Variants in PDK1 observed in about 807,000 individuals in gnomAD.
PDK1 encodes the protein [Pyruvate dehydrogenase (acetyl-transferring)] kinase isozyme 1, mitochondrial.
In PDK1, 39 loss-of-function variants were observed where a neutral mutation model predicts 54.2. That is an observed-to-expected ratio of 0.72 (90% CI 0.56 to 0.94). PDK1 has a LOEUF of 0.94. Ranked by LOEUF, PDK1 falls within the 40% of genes least tolerant of loss-of-function variation. PDK1 has a pLI of 0.00. For missense variants in PDK1, 552 were observed against 566.0 expected, an observed-to-expected ratio of 0.98 and a Z score of 0.25; for synonymous variants, 221 against 207.1, an observed-to-expected ratio of 1.07 and a Z score of -0.58.
At chr2:172,660,333 T>C in the PDK1 span, among the ~76,000 whole-genome samples, 1 of 134,814 alleles carries the variant, frequency 7.4e-6, no homozygotes, top group Non-Finnish European at 1.5e-5. Flanking sequence ...CTCGGCTCAC[T>C]GCAACCTCTG....
intron 9 of PDK1, among the ~76,000 whole-genome samples, chr2:172,588,696 A>AGCAGGCAG: frequency 6.6e-6 from 1 of 152,174 alleles, no homozygotes; most frequent in East Asian, 1.9e-4. Context: ...GCAGTAGGGT[A>AGCAGGCAG]GCTGGAGAAA....
chr2:172,584,161 A>C (rs1690077337), intron 8 of PDK1, among the ~76,000 whole-genome samples: 1 of 152,184 alleles, frequency 6.6e-6, no homozygotes, highest in African/African-American at 2.4e-5. Flanking sequence ...GGTAGATGGA[A>C]ATACAAAGTA....
At position 172,570,712 on chromosome 2, in the gene PDK1, C is replaced by A. The variant is rs202184215; in HGVS notation, c.847-14C>A. On this transcript the variant is annotated splice_polypyrimidine_tract_variant and intron_variant, in intron 7 of 10. Transcript: ENST00000282077. ...AAAAAGCTGTATTTTTAATACAACC[C>A]TAATGTATTTCAGAATGCAATGAGA... The A allele has an allele frequency of 1.2e-3, 1,684 of 1,461,284 alleles. 2 individuals are homozygous for A. The highest frequency in any genetic ancestry group is 1.7e-3 in the Admixed American group (101 of 58,974). 90.5% of individuals were successfully genotyped at this position (1,461,284 alleles called of 1,614,324 possible). A position where few individuals can be genotyped will look rare whatever the true frequency, so the allele number is the denominator to read the frequency against.
intron 8 of PDK1, among the ~76,000 whole-genome samples, chr2:172,571,128 A>G (rs943198978): frequency 6.6e-6 from 1 of 152,192 alleles, no homozygotes; most frequent in African/African-American, 2.4e-5. Flanking sequence ...TAGTTGCAGT[A>G]TTATGGAGAT....
intron 8 of PDK1, among the ~76,000 whole-genome samples, chr2:172,584,859 G>A (rs1389377188): frequency 1.9e-4 from 27 of 139,382 alleles, no homozygotes; most frequent in Non-Finnish European, 3.5e-4. Context: ...TTGTACAAAC[G>A]GAGTCTCACT....
At chr2:172,685,995 G>A in the PDK1 span, among the ~76,000 whole-genome samples, 1 of 152,126 alleles carries the variant, frequency 6.6e-6, no homozygotes, top group African/African-American at 2.4e-5. Context: ...AATTTACAGG[G>A]TTTCTACAAA....
intron 2 of PDK1, 54 bp from the exon 3 acceptor site, chr2:172,562,166 A>G: frequency 1.1e-6 from 1 of 936,948 alleles, no homozygotes; most frequent in Non-Finnish European, 1.7e-6. Context: ...TTTTCATGAT[A>G]TTGAACTTTC....
intron 8 of PDK1, among the ~76,000 whole-genome samples, chr2:172,580,151 C>A (rs1038262820): frequency 6.6e-6 from 1 of 151,288 alleles, no homozygotes; most frequent in Non-Finnish European, 1.5e-5. Flanking sequence ...GTTTCTCTCT[C>A]GTTTGTTCAT....
the PDK1 span, among the ~76,000 whole-genome samples, chr2:172,618,001 G>T: frequency 6.6e-6 from 1 of 152,030 alleles, no homozygotes; most frequent in South Asian, 2.1e-4. Context: ...ACTTTTAGGG[G>T]TTATATAGTT....
intron 8 of PDK1, among the ~76,000 whole-genome samples, chr2:172,571,549 TG>T (rs2149234880): frequency 6.6e-6 from 1 of 152,148 alleles, no homozygotes; most frequent in South Asian, 2.1e-4. Context: ...AATTTTTTGG[TG>T]GGTAGAGACT....
At chr2:172,692,191 CTG>C in the PDK1 span, among the ~76,000 whole-genome samples, 13 of 152,224 alleles carry the variant, frequency 8.5e-5, no homozygotes, top group African/African-American at 2.9e-4. Context: ...TGGAAATATT[CTG>C]TGTCTTAACC....
the PDK1 span, among the ~76,000 whole-genome samples, chr2:172,673,177 G>A: frequency 3.9e-5 from 6 of 152,248 alleles, no homozygotes; most frequent in East Asian, 3.9e-4. Flanking sequence ...CATACTTCCC[G>A]GGTCTTGCAT....
chr2:172,672,591 G>A, the PDK1 span, among the ~76,000 whole-genome samples: 1 of 151,606 alleles, frequency 6.6e-6, no homozygotes, highest in Admixed American at 6.6e-5. Context: ...ACTCTTCATT[G>A]AGCAAGTCCA....
the PDK1 span, among the ~76,000 whole-genome samples, chr2:172,668,586 C>T: frequency 6.6e-6 from 1 of 151,700 alleles, no homozygotes; most frequent in South Asian, 2.1e-4. Context: ...CATCTACTCT[C>T]ACCTCATAGG....
At chr2:172,657,144 C>A in the PDK1 span, among the ~76,000 whole-genome samples, 3 of 152,010 alleles carry the variant, frequency 2.0e-5, no homozygotes, top group African/African-American at 7.2e-5. Context: ...GACCTCAATT[C>A]TCTGATGGAT....
the PDK1 span, among the ~76,000 whole-genome samples, chr2:172,721,026 C>A: frequency 2.6e-5 from 4 of 152,210 alleles, no homozygotes; most frequent in Non-Finnish European, 4.4e-5. Context: ...CCAGACAAAC[C>A]TGTACTGTCA....
intron 1 of PDK1, among the ~76,000 whole-genome samples, chr2:172,558,448 T>C (rs1558922565): frequency 1.3e-5 from 2 of 152,176 alleles, no homozygotes; most frequent in African/African-American, 4.8e-5. Flanking sequence ...GGATGCAAAT[T>C]AGGGAGACAA....
chr2:172,688,674 G>A, the PDK1 span, among the ~76,000 whole-genome samples: 4 of 152,276 alleles, frequency 2.6e-5, no homozygotes, highest in East Asian at 3.9e-4. Context: ...TCTAATATCT[G>A]GGAAAGGAGA....
At chr2:172,582,852 A>C (rs936442168) in intron 8 of PDK1, among the ~76,000 whole-genome samples, 4 of 152,196 alleles carry the variant, frequency 2.6e-5, no homozygotes, top group South Asian at 2.1e-4. Flanking sequence ...CCTGTGGCTT[A>C]GTTTGCCCTT....
Sources: gnomAD v4.1 joint callset for allele counts (sites outside exome capture counted in the v4.1 genomes callset) on GRCh38, gnomAD v4.1.1 for gene constraint, MANE v1.5 for transcripts, NCBI Gene and HGNC (gene_info 2026-07-23, HGNC 2026-07-21) for gene names.